ARFGEF3: variants seen among roughly 807,000 people sequenced by gnomAD.
ARFGEF3 encodes the protein ARFGEF family member 3.
Under a neutral mutation model 221.7 loss-of-function variants are expected in ARFGEF3, and 96 were observed. The ratio of observed to expected loss-of-function variants is 0.43; its 90% CI spans 0.37 to 0.51. The LOEUF (loss-of-function observed/expected upper bound fraction) is 0.51. Ranked by LOEUF, ARFGEF3 falls within the 20% of genes least tolerant of loss-of-function variation. ARFGEF3 has a pLI of 0.00. For synonymous variants in ARFGEF3, 1,145 were observed against 1,126.8 expected (o/e 1.02, Z -0.32); for missense variants, 2,410 against 2,789.9 (o/e 0.86, Z 3.07).
At chr6:138,305,321 C>CCAGGCA (rs1158986154) in intron 22 of ARFGEF3, among the ~76,000 whole-genome samples, 10 of 151,858 alleles carry the variant, frequency 6.6e-5, no homozygotes, top group Admixed American at 3.3e-4. Flanking sequence ...AAATTATTGG[C>CCAGGCA]CAGGCACAGT....
At position 138,236,426 on chromosome 6, in the gene ARFGEF3, T is replaced by C. The variant is rs201803411; in HGVS notation, c.421-2083T>C. 3.3e-5 allele frequency among the ~76,000 whole-genome samples: 5 copies of C among 152,348 alleles called. No individual in the cohort carries two copies. In the East Asian group the frequency reaches 9.6e-4, roughly 29 times the overall value. ...GAATCACTGCACTCATTTAGATGTATCTTCAAAGTTTTAAAACCATTTCAT... is the reference window on the plus strand; with the variant it reads ...GAATCACTGCACTCATTTAGATGTACCTTCAAAGTTTTAAAACCATTTCAT... On this transcript the variant is annotated intron_variant, in intron 5 of 33. Transcript: ENST00000251691.
chr6:138,335,509 C>A (rs1201284574), intron 33 of ARFGEF3, among the ~76,000 whole-genome samples: 2 of 149,410 alleles, frequency 1.3e-5, no homozygotes. Flanking sequence ...TAAGCTTTTT[C>A]AGTCTGGACA....
At position 138,338,848 on chromosome 6, in the gene ARFGEF3, T is replaced by C. The variant is rs7761516; in HGVS notation, c.*2362T>C. Reference sequence around the variant, plus strand: ...AATACTGTATCCCAAAGTATGTTAGTTGTTTGTTTGGAAATCAGCATTCTC... The same window carrying C: ...AATACTGTATCCCAAAGTATGTTAGCTGTTTGTTTGGAAATCAGCATTCTC... On this transcript the variant is annotated 3_prime_UTR_variant, in exon 34 of 34. Transcript: ENST00000251691. 7,135 of 151,542 alleles carry C rather than the reference T, an allele frequency of 0.047. 181 individuals are homozygous for C. Among genetic ancestry groups the C allele is most frequent in the Middle Eastern group, 0.073 (21 of 288 alleles). 9.4% of individuals were successfully genotyped at this position (151,542 alleles called of 1,614,324 possible).
chr6:138,316,395 A>T (rs1779926639), intron 26 of ARFGEF3, among the ~76,000 whole-genome samples: 2 of 152,218 alleles, frequency 1.3e-5, no homozygotes, highest in South Asian at 2.1e-4. Flanking sequence ...AATTTCAAAC[A>T]TATACAAAAC....
In ARFGEF3 at chr6:138,294,034, T is replaced by C; in HGVS notation, c.3410T>C (p.Leu1137Ser). The C allele has an allele frequency of 4.3e-6, 7 of 1,613,830 alleles. No homozygotes were observed. Among genetic ancestry groups the C allele is most frequent in the Non-Finnish European group, 5.9e-6 (7 of 1,179,740 alleles). The change falls in exon 20 of 34, where the codon TTG becomes TCG. Residue 1137 changes from leucine to serine, a missense_variant. Physicochemically the swap from Leu to Ser is moderately radical, Grantham distance 145 (BLOSUM62 -2). Transcript: ENST00000251691. ...DATDKLNLMA[L>S]GGFLYQLKKA... Reference sequence around the variant, plus strand: ...ACGGATAAGTTGAACCTCATGGCCTTGGGAGGTTTTCTTTACCAGCTGAAG... The same window carrying C: ...ACGGATAAGTTGAACCTCATGGCCTCGGGAGGTTTTCTTTACCAGCTGAAG...
rs1323618316 is a variant in ARFGEF3 at position 138,341,018 on chromosome 6, A to T, written c.*4532A>T. 1 of 152,296 alleles carries T rather than the reference A, an allele frequency of 6.6e-6. No individual in the cohort carries two copies. The highest frequency in any genetic ancestry group is 1.5e-5 in the Non-Finnish European group (1 of 68,080). 9.4% of individuals were successfully genotyped at this position (152,296 alleles called of 1,614,324 possible). A position where few individuals can be genotyped will look rare whatever the true frequency, so the allele number is the denominator to read the frequency against. The stretch of plus-strand genomic sequence containing the variant: ...AATCTAAACTTTAGTCTTCAAGCAG[A>T]CATTCAGTGTTACTTTAGAAAACTC... On this transcript the variant is annotated 3_prime_UTR_variant, in exon 34 of 34. Transcript: ENST00000251691.
chr6:138,308,920 CTG>C (rs1779775999), intron 24 of ARFGEF3, 59 bp downstream of exon 24: 1 of 1,606,256 alleles, frequency 6.2e-7, no homozygotes, highest in African/African-American at 1.3e-5. Context: ...CAGGGTGGCT[CTG>C]TGGCTGGAGA....
chr6:138,272,301 G>A (rs553888735), intron 12 of ARFGEF3, among the ~76,000 whole-genome samples: 14 of 152,182 alleles, frequency 9.2e-5, no homozygotes, highest in African/African-American at 3.4e-4. Flanking sequence ...GATTACAGGC[G>A]TCCGCCACCA....
intron 12 of ARFGEF3, among the ~76,000 whole-genome samples, chr6:138,275,532 C>T (rs1238750812): frequency 1.3e-5 from 2 of 152,046 alleles, no homozygotes; most frequent in African/African-American, 2.4e-5. Context: ...AGGTGGGTCA[C>T]GAGGTCTTCG....
chr6:138,249,610 A>T (rs1778543958), intron 8 of ARFGEF3, among the ~76,000 whole-genome samples: 2 of 152,180 alleles, frequency 1.3e-5, no homozygotes, highest in African/African-American at 4.8e-5. Context: ...GGATCACTTG[A>T]GGTCAGGAGT....
chr6:138,230,473 C>T (rs1214664225), intron 5 of ARFGEF3, among the ~76,000 whole-genome samples: 1 of 152,148 alleles, frequency 6.6e-6, no homozygotes, highest in African/African-American at 2.4e-5. Flanking sequence ...GAATAATTTC[C>T]CTTCCATTTC....
intron 5 of ARFGEF3, among the ~76,000 whole-genome samples, chr6:138,232,791 T>G (rs1485159991): frequency 1.3e-5 from 2 of 152,188 alleles, no homozygotes; most frequent in Non-Finnish European, 2.9e-5. Flanking sequence ...ATTTTACATG[T>G]ATTCTCCTTT....
rs867011390 is a variant in ARFGEF3, at chr6:138,307,455, T to G, written c.3973+58T>G. 3 of 1,518,090 alleles carry G rather than the reference T, an allele frequency of 2.0e-6. No homozygotes were observed. The African/African-American group carries it at 4.3e-5, about 22-fold the overall frequency. The allele number at this position is 1,518,090 out of a possible 1,614,324, so 94.0% of individuals were successfully genotyped here. On this transcript the variant is annotated intron_variant, in intron 23 of 33. Coordinates refer to ENST00000251691, the MANE Select transcript of ARFGEF3 (RefSeq NM_020340.5). ...CATTAATTCTCTGTGCCAAGTTTCA[T>G]GCTATTAAAAAAAAAAAATTGAACA...
intron 21 of ARFGEF3, among the ~76,000 whole-genome samples, chr6:138,298,081 G>A (rs1169978418): frequency 6.6e-6 from 1 of 152,188 alleles, no homozygotes; most frequent in Non-Finnish European, 1.5e-5. Context: ...ATGTTTGCTT[G>A]TGTTCCACTG....
chr6:138,171,531 C>T (rs1776831076), intron 2 of ARFGEF3, among the ~76,000 whole-genome samples: 1 of 152,168 alleles, frequency 6.6e-6, no homozygotes, highest in African/African-American at 2.4e-5. Context: ...CCTATTTCCC[C>T]ACCTTCTTCC....
intron 12 of ARFGEF3, among the ~76,000 whole-genome samples, chr6:138,268,132 G>A (rs1778931143): frequency 6.6e-6 from 1 of 152,150 alleles, no homozygotes; most frequent in African/African-American, 2.4e-5. Flanking sequence ...CTGGACTGAG[G>A]CATGTCCTCT....
chr6:138,240,480 C>T (rs1269089540), intron 6 of ARFGEF3, among the ~76,000 whole-genome samples: 1 of 152,160 alleles, frequency 6.6e-6, no homozygotes, highest in Non-Finnish European at 1.5e-5. Flanking sequence ...TCATACTGCT[C>T]TTCCATAAGA....
chr6:138,278,725 GA>G, intron 13 of ARFGEF3, 108 bp downstream of exon 13: 1 of 1,210,772 alleles, frequency 8.3e-7, no homozygotes, highest in East Asian at 2.4e-5. Flanking sequence ...TTTTGTTCCA[GA>G]CTGCTCTAGG....
intron 4 of ARFGEF3, among the ~76,000 whole-genome samples, chr6:138,211,622 T>A (rs1219433399): frequency 6.6e-6 from 1 of 152,214 alleles, no homozygotes; most frequent in Non-Finnish European, 1.5e-5. Context: ...GGTGTCATAC[T>A]AAGAGATGCA....
Sources: allele counts gnomAD v4.1 joint callset (sites outside exome capture counted in the v4.1 genomes callset), GRCh38; gene constraint gnomAD v4.1.1; transcripts MANE v1.5; gene names NCBI Gene and HGNC (gene_info 2026-07-23, HGNC 2026-07-21).